The following RBFOX3 variants were observed in gnomAD, a reference collection of about 807,000 sequenced individuals.
The protein encoded by RBFOX3 is RNA binding fox-1 homolog 3.
In RBFOX3, 17 loss-of-function variants were observed where a neutral mutation model predicts 48.7. That is an observed-to-expected ratio of 0.35 (90% confidence interval 0.24 to 0.52). RBFOX3 has a LOEUF of 0.52. RBFOX3 is among the 20% of genes least tolerant of loss of function. The probability of loss-of-function intolerance (pLI) is 0.94; values close to 1 mark genes in which losing one functional copy is unlikely to be tolerated. For missense variants in RBFOX3, 382 were observed against 497.5 expected, an observed-to-expected ratio of 0.77 and a Z score of 2.21; for synonymous variants, 212 against 209.5, an observed-to-expected ratio of 1.01 and a Z score of -0.10.
intron 4 of RBFOX3, among the ~76,000 whole-genome samples, chr17:79,230,660 T>C (rs1030487567): frequency 1.1e-4 from 16 of 152,070 alleles, no homozygotes; most frequent in Non-Finnish European, 1.3e-4. Flanking sequence ...AGAGCCCTCA[T>C]CATTGAGGAG....
chr17:79,651,512 T>C, the RBFOX3 span, among the ~76,000 whole-genome samples: 1 of 152,120 alleles, frequency 6.6e-6, no homozygotes, highest in Non-Finnish European at 1.5e-5. Flanking sequence ...TGATGGAGTG[T>C]GGCATGCAAT....
At chr17:79,634,112 G>T in the RBFOX3 span, among the ~76,000 whole-genome samples, 2 of 152,230 alleles carry the variant, frequency 1.3e-5, no homozygotes, top group Non-Finnish European at 2.9e-5. Flanking sequence ...GGTGGGAGGG[G>T]TGGCAGCCTG....
upstream of RBFOX3, among the ~76,000 whole-genome samples, chr17:79,613,762 T>C (rs1032697457): frequency 5.9e-5 from 9 of 152,022 alleles, no homozygotes; most frequent in Admixed American, 2.0e-4. Context: ...TCACCTGAGG[T>C]CAGGAGTTCG....
chr17:79,432,396 C>T (rs782744387), intron 2 of RBFOX3, among the ~76,000 whole-genome samples: 13 of 152,208 alleles, frequency 8.5e-5, no homozygotes, highest in African/African-American at 2.2e-4. Context: ...TTGGGCCAGG[C>T]GGCAAAAGCC....
At chr17:79,582,243 CATGT>C (rs1157391744) in intron 1 of RBFOX3, among the ~76,000 whole-genome samples, 1 of 151,628 alleles carries the variant, frequency 6.6e-6, no homozygotes, top group Non-Finnish European at 1.5e-5. Flanking sequence ...TGTGCCTGCC[CATGT>C]ATGTGCCTGT....
chr17:79,112,486 G>A (rs1051862857), intron 5 of RBFOX3, among the ~76,000 whole-genome samples: 3 of 152,166 alleles, frequency 2.0e-5, no homozygotes, highest in Non-Finnish European at 4.4e-5. Flanking sequence ...TTCCGGAGCT[G>A]GGGCCCAGGC....
intron 4 of RBFOX3, among the ~76,000 whole-genome samples, chr17:79,216,120 G>T (rs985635955): frequency 6.6e-6 from 1 of 152,240 alleles, no homozygotes; most frequent in Non-Finnish European, 1.5e-5. Context: ...ACCAGGTTCT[G>T]GTCCTGGACA....
At chr17:79,245,076 T>A (rs927480184) in intron 3 of RBFOX3, among the ~76,000 whole-genome samples, 8 of 151,586 alleles carry the variant, frequency 5.3e-5, no homozygotes, top group Admixed American at 5.3e-4. Context: ...TTTCTCTTTT[T>A]GTTTTTCTTT....
intron 1 of RBFOX3, among the ~76,000 whole-genome samples, chr17:79,488,920 A>G (rs1020599331): frequency 1.1e-4 from 16 of 152,376 alleles, no homozygotes; most frequent in Admixed American, 3.3e-4. Context: ...ATTTAGGGAC[A>G]TAGCATAGGG....
chr17:79,662,977 C>T, the RBFOX3 span, among the ~76,000 whole-genome samples: 42 of 152,272 alleles, frequency 2.8e-4, no homozygotes, highest in Admixed American at 1.1e-3. Flanking sequence ...AAGGAAACGT[C>T]GCTGTTTAAG....
intron 4 of RBFOX3, among the ~76,000 whole-genome samples, chr17:79,180,526 A>C (rs2045661): frequency 6.6e-6 from 1 of 152,092 alleles, no homozygotes; most frequent in South Asian, 2.1e-4. Flanking sequence ...CTGGAGCACC[A>C]CAGGCTCTCA....
intron 1 of RBFOX3, chr17:79,603,903 C>G (rs1315295967): frequency 5.2e-5 from 8 of 152,406 alleles, no homozygotes; most frequent in African/African-American, 1.7e-4. Context: ...TGCAGGCAAC[C>G]CTGCCACCAT....
intron 1 of RBFOX3, among the ~76,000 whole-genome samples, chr17:79,557,537 G>T (rs1269124384): frequency 3.9e-5 from 6 of 152,224 alleles, no homozygotes; most frequent in African/African-American, 1.4e-4. Flanking sequence ...GTGGTGGGGG[G>T]AAAGGGGGGA....
intron 1 of RBFOX3, among the ~76,000 whole-genome samples, chr17:79,577,754 C>T (rs1477546685): frequency 7.9e-5 from 12 of 152,190 alleles, no homozygotes; most frequent in Non-Finnish European, 2.9e-5. Context: ...CCTGGAAAAC[C>T]CAAAGGAGAA....
intron 2 of RBFOX3, among the ~76,000 whole-genome samples, chr17:79,426,363 T>C (rs1187614652): frequency 1.3e-5 from 2 of 152,084 alleles, no homozygotes; most frequent in African/African-American, 4.8e-5. Context: ...GAACAGTAAA[T>C]AAAACCTCAG....
At chr17:79,142,346 C>T (rs945057152) in intron 4 of RBFOX3, among the ~76,000 whole-genome samples, 1 of 152,180 alleles carries the variant, frequency 6.6e-6, no homozygotes, top group Non-Finnish European at 1.5e-5. Context: ...GGGGTCTGAA[C>T]ATGGTTCATT....
chr17:79,133,773 ACAT>A (rs1490011045), intron 4 of RBFOX3, among the ~76,000 whole-genome samples: 1 of 152,216 alleles, frequency 6.6e-6, no homozygotes, highest in Non-Finnish European at 1.5e-5. Flanking sequence ...GATGGCAAGA[ACAT>A]CATCCAGGCC....
At chr17:79,580,325 G>A (rs1754047149) in intron 1 of RBFOX3, among the ~76,000 whole-genome samples, 1 of 134,296 alleles carries the variant, frequency 7.4e-6, no homozygotes, top group African/African-American at 2.9e-5. Flanking sequence ...TCCCTTCTTG[G>A]ATTATCCAGA....
intron 2 of RBFOX3, among the ~76,000 whole-genome samples, chr17:79,468,818 A>AGGT (rs1555755250): frequency 7.3e-5 from 10 of 136,388 alleles, no homozygotes; most frequent in Non-Finnish European, 1.5e-4. Flanking sequence ...GAAGACAGGC[A>AGGT]GGAGGATGGA....
Sources: allele counts gnomAD v4.1 joint callset (sites outside exome capture counted in the v4.1 genomes callset), GRCh38; gene constraint gnomAD v4.1.1; transcripts MANE v1.5; gene names NCBI Gene and HGNC (gene_info 2026-07-23, HGNC 2026-07-21).